PTPRD: variants seen among roughly 807,000 people sequenced by gnomAD.
PTPRD encodes the protein protein tyrosine phosphatase receptor type D, also known as receptor-type tyrosine-protein phosphatase delta.
A neutral mutation model predicts 214.5 loss-of-function variants in PTPRD; 34 were observed. The ratio of observed to expected loss-of-function variants is 0.16; its 90% CI spans 0.12 to 0.21. PTPRD has a LOEUF of 0.21. PTPRD is among the 10% of genes least tolerant of loss of function. The pLI, the probability that PTPRD is intolerant of heterozygous loss-of-function variation, is 1.00. For synonymous variants in PTPRD, 1,128 were observed against 845.7 expected (o/e 1.33, Z -5.79); for missense variants, 2,545 against 2,398.7 (o/e 1.06, Z -1.27).
At chr9:8,964,056 G>A (rs2099173217) in intron 11 of PTPRD, among the ~76,000 whole-genome samples, 1 of 151,824 alleles carries the variant, frequency 6.6e-6, no homozygotes, top group Non-Finnish European at 1.5e-5. Context: ...GGGTGATGCT[G>A]GCTTCATAGA....
intron 8 of PTPRD, among the ~76,000 whole-genome samples, chr9:9,435,175 A>G (rs1233489257): frequency 6.6e-6 from 1 of 151,976 alleles, no homozygotes; most frequent in Non-Finnish European, 1.5e-5. Flanking sequence ...GACACCCCCA[A>G]ACAAGAATTG....
At chr9:10,113,657 G>A (rs1179178635) in intron 3 of PTPRD, among the ~76,000 whole-genome samples, 1 of 152,150 alleles carries the variant, frequency 6.6e-6, no homozygotes, top group Non-Finnish European at 1.5e-5. Flanking sequence ...AGTGCCTCCA[G>A]AACATTTTTA....
intron 5 of PTPRD, among the ~76,000 whole-genome samples, chr9:9,810,628 C>A (rs903960562): frequency 6.6e-6 from 1 of 151,482 alleles, no homozygotes; most frequent in Non-Finnish European, 1.5e-5. Flanking sequence ...AAAAAGATTT[C>A]GTTTAAAATA....
At chr9:8,796,968 C>A (rs1481069515) in intron 11 of PTPRD, among the ~76,000 whole-genome samples, 3 of 151,022 alleles carry the variant, frequency 2.0e-5, no homozygotes, top group Admixed American at 2.0e-4. Flanking sequence ...TTGAATAATC[C>A]AAGTAAAATT....
intron 13 of PTPRD, among the ~76,000 whole-genome samples, chr9:8,634,870 C>G (rs1490352613): frequency 6.6e-6 from 1 of 151,430 alleles, no homozygotes; most frequent in Admixed American, 6.6e-5. Context: ...ATACAATATA[C>G]CACACATTAC....
intron 11 of PTPRD, among the ~76,000 whole-genome samples, chr9:8,749,116 T>C (rs939700347): frequency 6.6e-6 from 1 of 152,190 alleles, no homozygotes; most frequent in African/African-American, 2.4e-5. Context: ...AGAAGTTCTA[T>C]AATTCTTTTC....
intron 5 of PTPRD, among the ~76,000 whole-genome samples, chr9:9,934,035 A>G (rs199747465): frequency 0.26 from 38,248 of 147,706 alleles, 5,780 homozygotes; most frequent in Middle Eastern, 0.45. Flanking sequence ...ACCAACGAGA[A>G]CAAAGACACA....
At chr9:10,583,607 T>C (rs1363204357) in intron 2 of PTPRD, among the ~76,000 whole-genome samples, 1 of 151,832 alleles carries the variant, frequency 6.6e-6, no homozygotes, top group Non-Finnish European at 1.5e-5. Flanking sequence ...GCCTCCTGAG[T>C]AGCTGGGACT....
chr9:9,445,131 C>T (rs1199643437), intron 8 of PTPRD, among the ~76,000 whole-genome samples: 2 of 152,106 alleles, frequency 1.3e-5, no homozygotes, highest in African/African-American at 4.8e-5. Flanking sequence ...GATGGATCCT[C>T]ATTGGTATCA....
intron 9 of PTPRD, among the ~76,000 whole-genome samples, chr9:9,325,969 G>A (rs934604023): frequency 1.2e-4 from 19 of 152,092 alleles, no homozygotes; most frequent in African/African-American, 4.1e-4. Flanking sequence ...TTTTGTCTTC[G>A]GTTCTGTTTA....
intron 3 of PTPRD, among the ~76,000 whole-genome samples, chr9:10,137,507 C>A (rs1457175312): frequency 1.3e-5 from 1 of 74,162 alleles, no homozygotes; most frequent in African/African-American, 5.9e-5. Context: ...ACAATGAGAT[C>A]ACATGGACAC....
chr9:10,361,028 G>T (rs1158828883), intron 2 of PTPRD, among the ~76,000 whole-genome samples: 1 of 152,110 alleles, frequency 6.6e-6, no homozygotes, highest in Non-Finnish European at 1.5e-5. Flanking sequence ...CGTGAACACG[G>T]GAGGCGGAGC....
chr9:9,709,161 G>A (rs1294318964), intron 7 of PTPRD, among the ~76,000 whole-genome samples: 1 of 151,866 alleles, frequency 6.6e-6, no homozygotes, highest in Non-Finnish European at 1.5e-5. Context: ...AAAACAAACT[G>A]AATATTTTTA....
At chr9:9,055,844 T>C (rs1374386959) in intron 10 of PTPRD, among the ~76,000 whole-genome samples, 1 of 150,420 alleles carries the variant, frequency 6.6e-6, no homozygotes, top group Non-Finnish European at 1.5e-5. Context: ...ATTTATGTAT[T>C]ATATAAAATA....
intron 3 of PTPRD, among the ~76,000 whole-genome samples, chr9:10,159,886 A>G (rs1278219591): frequency 6.6e-6 from 1 of 152,120 alleles, no homozygotes; most frequent in African/African-American, 2.4e-5. Context: ...GCAGAATCCG[A>G]GAATTATTGG....
intron 9 of PTPRD, among the ~76,000 whole-genome samples, chr9:9,267,580 A>C (rs1940574465): frequency 6.6e-6 from 1 of 151,328 alleles, no homozygotes; most frequent in East Asian, 2.0e-4. Flanking sequence ...ACTACAAAGA[A>C]AGAAAATTAC....
chr9:8,717,347 A>G (rs563071536), intron 12 of PTPRD, among the ~76,000 whole-genome samples: 9 of 152,266 alleles, frequency 5.9e-5, no homozygotes, highest in African/African-American at 2.2e-4. Context: ...ATGACTCATC[A>G]AGCACTTATA....
At chr9:9,446,608 T>C (rs1332213) in intron 8 of PTPRD, among the ~76,000 whole-genome samples, 75,351 of 151,898 alleles carry the variant, frequency 0.5, 18,914 homozygotes, top group East Asian at 0.68. Context: ...GTCAATGTTA[T>C]TGTCAATGGT....
chr9:8,757,032 C>T (rs926274604), intron 11 of PTPRD, among the ~76,000 whole-genome samples: 6 of 152,100 alleles, frequency 3.9e-5, no homozygotes, highest in African/African-American at 1.2e-4. Context: ...ATCCCAGCTA[C>T]TCGGGAGGCT....
Sources: allele counts gnomAD v4.1 joint callset (sites outside exome capture counted in the v4.1 genomes callset), GRCh38; gene constraint gnomAD v4.1.1; transcripts MANE v1.5; gene names NCBI Gene and HGNC (gene_info 2026-07-23, HGNC 2026-07-21).